SLC24A3: variants seen among roughly 807,000 people sequenced by gnomAD.
The protein encoded by SLC24A3 is solute carrier family 24 member 3.
A neutral mutation model predicts 75.8 loss-of-function variants in SLC24A3; 28 were observed. The ratio of observed to expected loss-of-function variants is 0.37; its 90% CI spans 0.27 to 0.51. The LOEUF (loss-of-function observed/expected upper bound fraction) is 0.51. SLC24A3 is among the 20% of genes least tolerant of loss of function. SLC24A3 has a pLI of 0.94. For missense variants in SLC24A3, 663 were observed against 847.8 expected (o/e 0.78, Z 2.71); for synonymous variants, 372 against 334.1 (o/e 1.11, Z -1.24).
chr20:19,449,737 G>C (rs1393618923), intron 2 of SLC24A3, among the ~76,000 whole-genome samples: 1 of 152,160 alleles, frequency 6.6e-6, no homozygotes, highest in Non-Finnish European at 1.5e-5. Flanking sequence ...GGGAAGAGGA[G>C]GAATAACTTG....
intron 6 of SLC24A3, among the ~76,000 whole-genome samples, chr20:19,653,247 A>G (rs749540239): frequency 1.6e-4 from 24 of 152,224 alleles, no homozygotes; most frequent in Non-Finnish European, 2.6e-4. Flanking sequence ...CTTTGCACCT[A>G]GCAGCCCCCT....
intron 3 of SLC24A3, among the ~76,000 whole-genome samples, chr20:19,535,743 G>T (rs2122581060): frequency 1.3e-5 from 2 of 152,238 alleles, no homozygotes; most frequent in Middle Eastern, 3.4e-3. Flanking sequence ...GACCTAGATT[G>T]CATATTTATT....
intron 2 of SLC24A3, among the ~76,000 whole-genome samples, chr20:19,452,075 A>C (rs935426044): frequency 2.0e-5 from 3 of 152,186 alleles, no homozygotes; most frequent in Admixed American, 2.0e-4. Flanking sequence ...AATTCAAAAG[A>C]AGCCCAGCTC....
intron 2 of SLC24A3, among the ~76,000 whole-genome samples, chr20:19,439,183 G>A (rs1987258522): frequency 6.6e-6 from 1 of 152,208 alleles, no homozygotes; most frequent in African/African-American, 2.4e-5. Context: ...CTCTGTGACA[G>A]CTGTCCTGTT....
At chr20:19,656,224 G>C (rs748725715) in intron 7 of SLC24A3, among the ~76,000 whole-genome samples, 1 of 152,120 alleles carries the variant, frequency 6.6e-6, no homozygotes, top group Non-Finnish European at 1.5e-5. Context: ...ACCATCACAA[G>C]GTTTGCCAGC....
intron 6 of SLC24A3, among the ~76,000 whole-genome samples, chr20:19,586,753 C>T (rs146230681): frequency 0.012 from 1,778 of 152,258 alleles, 9 homozygotes; most frequent in Non-Finnish European, 0.019. Context: ...ACACCTGGAT[C>T]TCATCGGGAT....
intron 2 of SLC24A3, among the ~76,000 whole-genome samples, chr20:19,385,664 C>G (rs1448864942): frequency 6.7e-6 from 1 of 148,210 alleles, no homozygotes. Flanking sequence ...TTTTCTGAGA[C>G]AGGGTCTCAC....
intron 3 of SLC24A3, among the ~76,000 whole-genome samples, chr20:19,554,118 C>G (rs942638968): frequency 6.6e-6 from 1 of 152,084 alleles, no homozygotes; most frequent in Non-Finnish European, 1.5e-5. Context: ...ATGGATGGCT[C>G]AGGCACATGT....
intron 3 of SLC24A3, among the ~76,000 whole-genome samples, chr20:19,533,108 G>A (rs921936818): frequency 4.6e-5 from 7 of 152,212 alleles, no homozygotes; most frequent in Admixed American, 1.3e-4. Context: ...TCAGTCCTGG[G>A]TCTATCGGTT....
intron 1 of SLC24A3, among the ~76,000 whole-genome samples, chr20:19,266,850 A>T (rs1568573339): frequency 6.6e-6 from 1 of 152,210 alleles, no homozygotes; most frequent in Non-Finnish European, 1.5e-5. Flanking sequence ...AATTATGTTT[A>T]AGAAATATTG....
intron 15 of SLC24A3, among the ~76,000 whole-genome samples, chr20:19,705,422 C>T (rs893459261): frequency 1.3e-5 from 2 of 152,186 alleles, no homozygotes; most frequent in Non-Finnish European, 2.9e-5. Flanking sequence ...CACCATGGAG[C>T]TCATGCCGAA....
intron 6 of SLC24A3, among the ~76,000 whole-genome samples, chr20:19,587,911 GT>G (rs1215640620): frequency 1.3e-5 from 2 of 152,120 alleles, no homozygotes; most frequent in South Asian, 2.1e-4. Flanking sequence ...CATCCCTGGG[GT>G]TCTCACCTCC....
At chr20:19,383,484 T>G (rs1986219755) in intron 2 of SLC24A3, among the ~76,000 whole-genome samples, 1 of 152,146 alleles carries the variant, frequency 6.6e-6, no homozygotes, top group African/African-American at 2.4e-5. Context: ...ATCTGTGTAC[T>G]CCTGCCTATG....
intron 2 of SLC24A3, among the ~76,000 whole-genome samples, chr20:19,514,089 C>T (rs765418653): frequency 2.0e-5 from 3 of 152,240 alleles, no homozygotes; most frequent in Non-Finnish European, 2.9e-5. Flanking sequence ...TGCACAATGC[C>T]TTAAGCCAAT....
At chr20:19,529,621 C>A (rs1430664086) in intron 3 of SLC24A3, among the ~76,000 whole-genome samples, 2 of 152,220 alleles carry the variant, frequency 1.3e-5, no homozygotes, top group Non-Finnish European at 2.9e-5. Context: ...ACTGCACGAT[C>A]TGGCCCTGAC....
At chr20:19,256,075 C>T (rs918070106) in intron 1 of SLC24A3, among the ~76,000 whole-genome samples, 10 of 151,310 alleles carry the variant, frequency 6.6e-5, no homozygotes, top group South Asian at 2.1e-4. Context: ...CTCCAGCCTG[C>T]GTGATCGAAC....
At chr20:19,517,560 A>C (rs59107009) in intron 3 of SLC24A3, among the ~76,000 whole-genome samples, 3 of 152,226 alleles carry the variant, frequency 2.0e-5, no homozygotes, top group Admixed American at 6.5e-5. Flanking sequence ...AATGGGCATG[A>C]GTCTACATGT....
chr20:19,617,981 GTGTTTT>G (rs1211823584), intron 6 of SLC24A3, among the ~76,000 whole-genome samples: 1 of 151,460 alleles, frequency 6.6e-6, no homozygotes, highest in East Asian at 2.0e-4. Context: ...AGGTTTTGTT[GTGTTTT>G]TGTTTTTTGT....
At chr20:19,299,198 A>ATG (rs57048749) in intron 2 of SLC24A3, among the ~76,000 whole-genome samples, 2,520 of 145,008 alleles carry the variant, frequency 0.017, 40 homozygotes, top group South Asian at 0.049. Context: ...GTGTGTGTGT[A>ATG]TGTGTGTGTG....
Sources: allele counts gnomAD v4.1 joint callset (sites outside exome capture counted in the v4.1 genomes callset), GRCh38; gene constraint gnomAD v4.1.1; transcripts MANE v1.5; gene names NCBI Gene and HGNC (gene_info 2026-07-23, HGNC 2026-07-21).